The following CNTNAP5 variants were observed in gnomAD, a reference collection of about 807,000 sequenced individuals.
CNTNAP5 encodes the protein contactin associated protein family member 5.
CNTNAP5 carries 72 observed loss-of-function variants against 150.2 expected under a neutral mutation model. The observed-to-expected ratio is 0.48, with a 90% CI of 0.40 to 0.58. The LOEUF (loss-of-function observed/expected upper bound fraction) is 0.58, where lower values mean the gene tolerates loss of function less well. CNTNAP5 is among the 20% of genes least tolerant of loss of function. The probability of loss-of-function intolerance (pLI) is 0.00; values close to 1 mark genes in which losing one functional copy is unlikely to be tolerated. For synonymous variants in CNTNAP5, 672 were observed against 619.8 expected (o/e 1.08, Z -1.25); for missense variants, 1,636 against 1,626.2 (o/e 1.01, Z -0.10).
At chr2:124,826,148 C>A (rs1259459773) in intron 19 of CNTNAP5, among the ~76,000 whole-genome samples, 1 of 151,716 alleles carries the variant, frequency 6.6e-6, no homozygotes, top group Non-Finnish European at 1.5e-5. Context: ...TGAGTTATTA[C>A]TACATTAATT....
At chr2:124,244,557 C>T (rs972299675) in intron 3 of CNTNAP5, among the ~76,000 whole-genome samples, 28 of 152,222 alleles carry the variant, frequency 1.8e-4, no homozygotes, top group African/African-American at 6.0e-4. Context: ...CCCAGAGATG[C>T]TTGCAGTGGC....
At chr2:124,878,751 C>G (rs967766927) in intron 21 of CNTNAP5, among the ~76,000 whole-genome samples, 2 of 150,860 alleles carry the variant, frequency 1.3e-5, no homozygotes, top group Non-Finnish European at 2.9e-5. Context: ...GGTGCAATCT[C>G]CACTCACTGC....
chr2:124,275,961 A>G (rs1231717024), intron 3 of CNTNAP5, among the ~76,000 whole-genome samples: 1 of 152,144 alleles, frequency 6.6e-6, no homozygotes, highest in Non-Finnish European at 1.5e-5. Flanking sequence ...CTGCCAATGG[A>G]ACTGTCTAAT....
chr2:124,416,936 CTTTTTTT>C (rs70996064), intron 3 of CNTNAP5, among the ~76,000 whole-genome samples: 1 of 106,598 alleles, frequency 9.4e-6, no homozygotes, highest in African/African-American at 3.4e-5. Flanking sequence ...AGAGGGATTT[CTTTTTTT>C]TTTTTTTTTT....
chr2:124,736,193 G>C (rs1461408339), intron 13 of CNTNAP5, among the ~76,000 whole-genome samples: 2 of 152,108 alleles, frequency 1.3e-5, no homozygotes, highest in Non-Finnish European at 2.9e-5. Context: ...TCACGCCATT[G>C]CACTCCAGAC....
chr2:124,278,507 C>A (rs1023580820), intron 3 of CNTNAP5, among the ~76,000 whole-genome samples: 2 of 152,094 alleles, frequency 1.3e-5, no homozygotes, highest in Non-Finnish European at 2.9e-5. Context: ...AAAACAAAGC[C>A]CTAGACAGTC....
At chr2:124,581,007 T>G (rs1345890810) in intron 11 of CNTNAP5, among the ~76,000 whole-genome samples, 1 of 152,090 alleles carries the variant, frequency 6.6e-6, no homozygotes, top group African/African-American at 2.4e-5. Context: ...AATGCCTGGC[T>G]CCTCAAAGGC....
At chr2:124,647,108 C>T (rs186820799) in intron 12 of CNTNAP5, among the ~76,000 whole-genome samples, 89 of 152,294 alleles carry the variant, frequency 5.8e-4, no homozygotes, top group African/African-American at 2.0e-3. Flanking sequence ...TACCTTCTTT[C>T]GCCTATTAGG....
intron 6 of CNTNAP5, among the ~76,000 whole-genome samples, chr2:124,449,186 T>TC (rs1213333854): frequency 6.6e-6 from 1 of 152,216 alleles, no homozygotes; most frequent in East Asian, 1.9e-4. Context: ...ACTCTTTGAC[T>TC]CAGAATACAA....
At chr2:124,151,571 C>A (rs1391018106) in intron 1 of CNTNAP5, among the ~76,000 whole-genome samples, 1 of 152,164 alleles carries the variant, frequency 6.6e-6, no homozygotes, top group African/African-American at 2.4e-5. Context: ...TCTGTTTCAG[C>A]ACTTAAAAAA....
At chr2:124,112,028 T>C (rs1020508814) in intron 1 of CNTNAP5, among the ~76,000 whole-genome samples, 14 of 152,224 alleles carry the variant, frequency 9.2e-5, no homozygotes, top group African/African-American at 3.4e-4. Flanking sequence ...TGCTGGAATC[T>C]TGTGCTGCTC....
chr2:124,106,616 G>A (rs1212356703), intron 1 of CNTNAP5, among the ~76,000 whole-genome samples: 1 of 152,104 alleles, frequency 6.6e-6, no homozygotes, highest in Non-Finnish European at 1.5e-5. Context: ...ATTCTTTTCC[G>A]AATGCAGCTC....
At chr2:124,187,642 G>A (rs1190851424) in intron 1 of CNTNAP5, among the ~76,000 whole-genome samples, 1 of 152,108 alleles carries the variant, frequency 6.6e-6, no homozygotes, top group Non-Finnish European at 1.5e-5. Context: ...GCCCAAATAG[G>A]AACTTCACTG....
chr2:124,609,867 A>G lies in CNTNAP5; in HGVS notation c.1823A>G (p.Asp608Gly). The G allele has an allele frequency of 6.2e-7, 1 of 1,613,870 alleles. No homozygotes were observed. Among genetic ancestry groups the G allele is most frequent in the Non-Finnish European group, 8.5e-7 (1 of 1,179,836 alleles). ...QGNTAGFFYI[D>G]SDGSGPLGPL... The stretch of plus-strand genomic sequence containing the variant: ...AATACAGCCGGCTTCTTCTACATCG[A>G]CTCAGATGGCAGCGGCCCACTGGGA... Residue 608 changes from aspartate to glycine, a missense_variant, in exon 12 of 24, where the codon GAC (aspartate) becomes GGC (glycine). Physicochemically the swap from Asp to Gly is moderately conservative, Grantham distance 94 (BLOSUM62 -1). Coordinates refer to ENST00000682447, the MANE Select transcript of CNTNAP5 (RefSeq NM_001367498.1).
chr2:124,102,450 C>T (rs1464747042), intron 1 of CNTNAP5, among the ~76,000 whole-genome samples: 1 of 152,222 alleles, frequency 6.6e-6, no homozygotes, highest in Admixed American at 6.5e-5. Context: ...CTTCATCCCA[C>T]TCTGCCCATT....
At chr2:124,814,855 A>C (rs758764561) in intron 19 of CNTNAP5, among the ~76,000 whole-genome samples, 8 of 152,200 alleles carry the variant, frequency 5.3e-5, no homozygotes, top group Non-Finnish European at 1.2e-4. Context: ...ATATCTTAAA[A>C]GGGAGGCAAT....
intron 1 of CNTNAP5, among the ~76,000 whole-genome samples, chr2:124,043,969 C>A (rs776068934): frequency 1.8e-4 from 27 of 152,196 alleles, no homozygotes; most frequent in Non-Finnish European, 3.4e-4. Context: ...TGGGCCAGTT[C>A]TTGTCCTCTC....
At chr2:124,035,993 C>A (rs997410140) in intron 1 of CNTNAP5, among the ~76,000 whole-genome samples, 1 of 137,920 alleles carries the variant, frequency 7.3e-6, no homozygotes, top group Non-Finnish European at 1.5e-5. Flanking sequence ...GGCGCAATCT[C>A]GGCTCACTGC....
intron 13 of CNTNAP5, among the ~76,000 whole-genome samples, chr2:124,687,661 G>A (rs181253998): frequency 6.6e-6 from 1 of 152,032 alleles, no homozygotes; most frequent in Non-Finnish European, 1.5e-5. Flanking sequence ...AAACTTGTAC[G>A]TGGCAAGTAG....
Sources: gnomAD v4.1 joint callset for allele counts (sites outside exome capture counted in the v4.1 genomes callset) on GRCh38, gnomAD v4.1.1 for gene constraint, MANE v1.5 for transcripts, NCBI Gene and HGNC (gene_info 2026-07-23, HGNC 2026-07-21) for gene names.